CDKL2: variants seen among roughly 807,000 people sequenced by gnomAD.
CDKL2 encodes the protein cyclin dependent kinase like 2.
A neutral mutation model predicts 63.9 loss-of-function variants in CDKL2; 64 were observed. The observed-to-expected ratio is 1.00, with a 90% confidence interval of 0.82 to 1.23. The LOEUF (loss-of-function observed/expected upper bound fraction) is 1.23, where lower values mean the gene tolerates loss of function less well. Among genes scored for constraint, CDKL2 ranks in the 50% most tolerant of loss-of-function variants. The pLI is 0.00. For missense variants in CDKL2, 656 were observed against 668.0 expected (o/e 0.98, Z 0.20); for synonymous variants, 211 against 229.2 (o/e 0.92, Z 0.72).
intron 2 of CDKL2, among the ~76,000 whole-genome samples, chr4:75,621,179 G>A (rs943202850): frequency 4.0e-5 from 6 of 150,440 alleles, no homozygotes; most frequent in Non-Finnish European, 8.9e-5. Flanking sequence ...CAAGTGATCC[G>A]CCCACCTTGG....
At chr4:75,613,511 A>C (rs902312306) in intron 3 of CDKL2, among the ~76,000 whole-genome samples, 1 of 152,198 alleles carries the variant, frequency 6.6e-6, no homozygotes, top group Non-Finnish European at 1.5e-5. Context: ...GGCAAAATCT[A>C]TGTGTTGAGC....
At chr4:75,593,918 T>C (rs538323725) in intron 10 of CDKL2, among the ~76,000 whole-genome samples, 1 of 152,178 alleles carries the variant, frequency 6.6e-6, no homozygotes, top group Non-Finnish European at 1.5e-5. Flanking sequence ...AATACATCCA[T>C]ACCTCCCTTT....
At position 75,592,208 on chromosome 4, in the gene CDKL2, T is replaced by G; in HGVS notation, c.1478A>C (p.Asp493Ala). 1 of 1,535,314 alleles carries G rather than the reference T, an allele frequency of 6.5e-7. No individual in the cohort carries two copies. Residue 493 changes from aspartate to alanine, a missense_variant, in exon 11 of 14, where the codon GAT becomes GCT. Coordinates refer to ENST00000307465, the MANE Select transcript of CDKL2 (RefSeq NM_001330724.2). ...ATAGTTTAGTTCAGGCAAACGGACA[T>G]CTGTCCTGGAGTATTCTCTTCTTTT... ...SKKRREYSRT[D>A]VRLPELNYNH...
intron 12 of CDKL2, among the ~76,000 whole-genome samples, chr4:75,590,815 T>G (rs1241037899): frequency 6.6e-6 from 1 of 152,164 alleles, no homozygotes; most frequent in East Asian, 1.9e-4. Flanking sequence ...GTGTTAATAA[T>G]GAGGATGGAG....
chr4:75,604,346 T>C (rs530877882), intron 5 of CDKL2, among the ~76,000 whole-genome samples: 11 of 152,322 alleles, frequency 7.2e-5, no homozygotes, highest in African/African-American at 2.4e-4. Flanking sequence ...TAAAGTCAGA[T>C]TTGAGCACTT....
At chr4:75,627,390 C>T (rs1730469033) in intron 1 of CDKL2, among the ~76,000 whole-genome samples, 1 of 151,774 alleles carries the variant, frequency 6.6e-6, no homozygotes, top group South Asian at 2.1e-4. Context: ...CTCCTGCCTC[C>T]GCCTCTGAGT....
intron 7 of CDKL2, 118 bp from the exon 8 acceptor site, chr4:75,598,330 A>G: frequency 3.7e-6 from 2 of 538,614 alleles, no homozygotes; most frequent in Non-Finnish European, 6.0e-6. Flanking sequence ...GTTATTAAAA[A>G]TGAGAAAAAT....
chr4:75,591,559 T>G (rs1466165248), intron 12 of CDKL2, among the ~76,000 whole-genome samples: 1 of 152,196 alleles, frequency 6.6e-6, no homozygotes, highest in Non-Finnish European at 1.5e-5. Flanking sequence ...ATCATGTTAC[T>G]GCACTCCAGC....
At position 75,605,579 on chromosome 4, in the gene CDKL2, G is replaced by T. The variant is rs747830165; in HGVS notation, c.598C>A (p.Pro200Thr). Reference sequence around the variant, plus strand: ...ATATCAGAATCTCCAGGAAATAGGGGTTCCCCCATGAACATTTCAGTTACC... The same window carrying T: ...ATATCAGAATCTCCAGGAAATAGGGTTTCCCCCATGAACATTTCAGTTACC... ...CLVTEMFMGE[P>T]LFPGDSDIDQ... is the part of the protein sequence containing the mutation. Residue 200 changes from proline (P) to threonine (T), a missense_variant, in exon 5 of 14, where the codon CCC (proline) becomes ACC (threonine). Transcript: ENST00000307465. The T allele has an allele frequency of 1.9e-6, 3 of 1,613,576 alleles. No individual in the cohort carries two copies. The highest frequency in any genetic ancestry group is 2.2e-5 in the South Asian group (2 of 91,060).
intron 2 of CDKL2, among the ~76,000 whole-genome samples, chr4:75,616,761 A>ACTTATT (rs1427842093): frequency 6.6e-6 from 1 of 151,234 alleles, no homozygotes; most frequent in African/African-American, 2.4e-5. Context: ...AAAGAGTTAT[A>ACTTATT]CATCATAGAA....
intron 13 of CDKL2, among the ~76,000 whole-genome samples, chr4:75,580,473 C>G (rs1010048407): frequency 4.6e-5 from 7 of 151,670 alleles, no homozygotes; most frequent in Admixed American, 1.3e-4. Flanking sequence ...TGAGGCCACC[C>G]TGGGCAACAT....
At chr4:75,617,321 T>TAAC (rs1729972099) in intron 2 of CDKL2, among the ~76,000 whole-genome samples, 1 of 152,180 alleles carries the variant, frequency 6.6e-6, no homozygotes, top group Non-Finnish European at 1.5e-5. Flanking sequence ...TACATAATAA[T>TAAC]AACTAATACT....
intron 2 of CDKL2, among the ~76,000 whole-genome samples, chr4:75,625,559 AAAT>A (rs1406398575): frequency 2.6e-5 from 4 of 152,182 alleles, no homozygotes; most frequent in Admixed American, 1.3e-4. Context: ...AGAAAAAATG[AAAT>A]AATAAAGAAC....
At chr4:75,622,761 G>GAAACAAAA (rs974902917) in intron 2 of CDKL2, among the ~76,000 whole-genome samples, 2 of 59,728 alleles carry the variant, frequency 3.3e-5, no homozygotes, top group African/African-American at 1.2e-4. Context: ...AGAAGACCAA[G>GAAACAAAA]AAACAAAAGG....
At position 75,598,219 on chromosome 4, in the gene CDKL2, A is replaced by G. The variant is rs1729028289; in HGVS notation, c.885-7T>C. 1 of 1,381,692 alleles carries G rather than the reference A, an allele frequency of 7.2e-7. No homozygotes were observed. The allele number at this position is 1,381,692 out of a possible 1,614,324, so 85.6% of individuals were successfully genotyped here. A position where few individuals can be genotyped will look rare whatever the true frequency, so the allele number is the denominator to read the frequency against. On this transcript the variant is annotated splice_polypyrimidine_tract_variant and splice_region_variant and intron_variant, in intron 7 of 13. Coordinates refer to ENST00000307465, the MANE Select transcript of CDKL2 (RefSeq NM_001330724.2). ...CTGTAGTTCTTGGGAAAACCTACAT[A>G]AAAATATAATAAAATAAAATTGTAA...
chr4:75,594,536 T>C (rs1728836495), intron 10 of CDKL2, among the ~76,000 whole-genome samples: 1 of 152,104 alleles, frequency 6.6e-6, no homozygotes, highest in Non-Finnish European at 1.5e-5. Context: ...CCTTGGAATC[T>C]TACGTTCTAG....
intron 10 of CDKL2, among the ~76,000 whole-genome samples, chr4:75,594,863 G>A (rs773803578): frequency 6.6e-6 from 1 of 152,154 alleles, no homozygotes; most frequent in Non-Finnish European, 1.5e-5. Flanking sequence ...AGGTGGAGAT[G>A]GGATAGAGGG....
intron 10 of CDKL2, among the ~76,000 whole-genome samples, chr4:75,595,643 A>C (rs1025947496): frequency 6.6e-6 from 1 of 152,194 alleles, no homozygotes; most frequent in Non-Finnish European, 1.5e-5. Context: ...AAGAAAAAAT[A>C]AAACAAGCCA....
chr4:75,621,225 C>A (rs555812101), intron 2 of CDKL2, among the ~76,000 whole-genome samples: 2 of 150,818 alleles, frequency 1.3e-5, no homozygotes, highest in East Asian at 3.9e-4. Flanking sequence ...ACATGAGCCA[C>A]CATGCCCAGC....
Sources: allele counts gnomAD v4.1 joint callset (sites outside exome capture counted in the v4.1 genomes callset), GRCh38; gene constraint gnomAD v4.1.1; transcripts MANE v1.5; gene names NCBI Gene and HGNC (gene_info 2026-07-23, HGNC 2026-07-21).